Variants in GABPB1 observed in about 807,000 individuals in gnomAD.
The protein encoded by GABPB1 is GA-binding protein subunit beta-1.
Under a neutral mutation model 45.9 loss-of-function variants are expected in GABPB1, and 15 were observed. The ratio of observed to expected loss-of-function variants is 0.33; its 90% CI spans 0.22 to 0.50. The LOEUF (loss-of-function observed/expected upper bound fraction) is 0.50, where lower values mean the gene tolerates loss of function less well. Ranked by LOEUF, GABPB1 falls within the 20% of genes least tolerant of loss-of-function variation. The pLI, the probability that GABPB1 is intolerant of heterozygous loss-of-function variation, is 0.98. For synonymous variants in GABPB1, 143 were observed against 154.4 expected, an observed-to-expected ratio of 0.93 and a Z score of 0.55; for missense variants, 252 against 457.5, an observed-to-expected ratio of 0.55 and a Z score of 4.10.
intron 1 of GABPB1, among the ~76,000 whole-genome samples, chr15:50,315,703 T>G (rs974492336): frequency 6.6e-6 from 1 of 152,256 alleles, no homozygotes; most frequent in Non-Finnish European, 1.5e-5. Flanking sequence ...AGAACTCAGT[T>G]GTAATAAGAC....
chr15:50,313,133 T>C (rs117308403), intron 1 of GABPB1, among the ~76,000 whole-genome samples: 2,662 of 152,260 alleles, frequency 0.017, 43 homozygotes, highest in Middle Eastern at 0.034. Flanking sequence ...ATTCATGTTT[T>C]ACTTATTTAA....
intron 1 of GABPB1, among the ~76,000 whole-genome samples, chr15:50,323,618 G>T (rs2047650374): frequency 6.6e-6 from 1 of 152,176 alleles, no homozygotes; most frequent in Non-Finnish European, 1.5e-5. Flanking sequence ...CCAGTATTTG[G>T]GGAGGCTGAG....
intron 1 of GABPB1, among the ~76,000 whole-genome samples, chr15:50,338,277 C>T (rs866658927): frequency 2.0e-5 from 3 of 151,814 alleles, no homozygotes; most frequent in South Asian, 2.1e-4. Flanking sequence ...TAACCTCAGG[C>T]GATCTGCCCA....
chr15:50,323,460 A>G (rs1358581435), intron 1 of GABPB1, among the ~76,000 whole-genome samples: 1 of 152,214 alleles, frequency 6.6e-6, no homozygotes, highest in South Asian at 2.1e-4. Flanking sequence ...AGAGGCAAGA[A>G]GTGGCTGAGG....
intron 8 of GABPB1, among the ~76,000 whole-genome samples, chr15:50,283,238 T>C (rs1370165063): frequency 1.3e-5 from 2 of 152,182 alleles, no homozygotes; most frequent in African/African-American, 2.4e-5. Flanking sequence ...ACGTTTATTT[T>C]TGGAAATCTG....
intron 6 of GABPB1, among the ~76,000 whole-genome samples, chr15:50,297,249 G>A (rs1318789449): frequency 1.4e-5 from 2 of 146,754 alleles, no homozygotes; most frequent in African/African-American, 2.5e-5. Context: ...GTCTTGCTCT[G>A]TCACCCAGGC....
chr15:50,287,198 C>A (rs2046193105), intron 7 of GABPB1, among the ~76,000 whole-genome samples: 1 of 151,994 alleles, frequency 6.6e-6, no homozygotes, highest in Non-Finnish European at 1.5e-5. Context: ...ATTTTTAATT[C>A]AGGAAGGCTT....
At chr15:50,354,054 AC>A (rs1353832680) in intron 1 of GABPB1, 2 of 125,912 alleles carry the variant, frequency 1.6e-5, no homozygotes, top group Non-Finnish European at 4.1e-5. Flanking sequence ...AAGTGGGAAG[AC>A]ACACACAAAG....
intron 1 of GABPB1, among the ~76,000 whole-genome samples, chr15:50,339,960 A>T (rs1224380279): frequency 1.3e-5 from 2 of 152,130 alleles, no homozygotes; most frequent in Non-Finnish European, 2.9e-5. Context: ...TCTTCTATAC[A>T]CAGCTGGTCT....
At chr15:50,287,638 G>T (rs1011214029) in intron 7 of GABPB1, among the ~76,000 whole-genome samples, 2 of 152,114 alleles carry the variant, frequency 1.3e-5, no homozygotes, top group Admixed American at 1.3e-4. Flanking sequence ...CCTTGATCTC[G>T]CACTTTTAGC....
chr15:50,310,663 G>C (rs1192967256), intron 1 of GABPB1, among the ~76,000 whole-genome samples: 1 of 152,158 alleles, frequency 6.6e-6, no homozygotes, highest in African/African-American at 2.4e-5. Flanking sequence ...AACAGTAATA[G>C]TATTACGAAT....
intron 1 of GABPB1, chr15:50,314,477 C>T (rs1449627458): frequency 6.6e-6 from 1 of 152,556 alleles, no homozygotes; most frequent in African/African-American, 2.4e-5. Context: ...GCCACCGCGC[C>T]CGGCCGCCAT....
chr15:50,334,686 T>G (rs1322156288), intron 1 of GABPB1, among the ~76,000 whole-genome samples: 1 of 151,904 alleles, frequency 6.6e-6, no homozygotes, highest in African/African-American at 2.4e-5. Context: ...TTTTTTGTAT[T>G]TTCTGTACAG....
intron 1 of GABPB1, among the ~76,000 whole-genome samples, chr15:50,319,894 A>G (rs1002816281): frequency 3.9e-5 from 6 of 152,196 alleles, no homozygotes; most frequent in East Asian, 1.9e-4. Flanking sequence ...TTTACTGTAC[A>G]TAAGAATTAT....
At chr15:50,353,481 T>C (rs1320332685) in intron 1 of GABPB1, 7 of 151,938 alleles carry the variant, frequency 4.6e-5, no homozygotes, top group Admixed American at 4.6e-4. Flanking sequence ...GATCTGAGAA[T>C]CTTCTATTAA....
rs139148259 is a variant in GABPB1 at position 50,340,988 on chromosome 15, AATATTAC to A, written c.-1+13990_-1+13996del. Among the ~76,000 whole-genome samples, 286 of 128,508 alleles carry A rather than the reference AATATTAC, an allele frequency of 2.2e-3. 15 individuals carry two copies. Among genetic ancestry groups the A allele is most frequent in the Non-Finnish European group, 3.4e-3 (190 of 56,130 alleles). 84.3% of individuals were successfully genotyped at this position (128,508 alleles called of 152,430 possible). Reference sequence around the variant, plus strand: ...TTACATATGGTTTATTACCATATGTAATATTACATATTACATATGGTTTATTACATAT... The same window carrying A: ...TTACATATGGTTTATTACCATATGTAATATTACATATGGTTTATTACATAT... On this transcript the variant is annotated intron_variant, in intron 1 of 8. Transcript: ENST00000380877.
At chr15:50,340,568 AAAAC>A (rs1235518673) in intron 1 of GABPB1, among the ~76,000 whole-genome samples, 2 of 129,522 alleles carry the variant, frequency 1.5e-5, no homozygotes, top group African/African-American at 5.8e-5. Flanking sequence ...AAAAAAAAAA[AAAAC>A]ATTACCACAT....
rs190032191 is a variant in GABPB1, at chr15:50,297,072, G to A, written c.697+3717C>T. 5.5e-3 allele frequency among the ~76,000 whole-genome samples: 821 copies of A among 148,306 alleles called. 6 individuals carry two copies. Among genetic ancestry groups the A allele is most frequent in the African/African-American group, 0.02 (785 of 40,148 alleles). ...ATTACAGGCATACGCCACCACATCC[G>A]GCTAATGTTTGTATTTTTAGTAGAG... is the stretch of plus-strand genomic sequence containing the variant. On this transcript the variant is annotated intron_variant, in intron 6 of 8. Transcript: ENST00000380877.
intron 7 of GABPB1, among the ~76,000 whole-genome samples, chr15:50,288,417 G>A (rs1016300228): frequency 1.3e-5 from 2 of 152,130 alleles, no homozygotes; most frequent in East Asian, 3.8e-4. Context: ...CAAGGTACAG[G>A]GCAATGCTTA....
Sources: allele counts gnomAD v4.1 joint callset (sites outside exome capture counted in the v4.1 genomes callset), GRCh38; gene constraint gnomAD v4.1.1; transcripts MANE v1.5; gene names NCBI Gene and HGNC (gene_info 2026-07-23, HGNC 2026-07-21).